AKAP6: variants seen among roughly 807,000 people sequenced by gnomAD.
The protein encoded by AKAP6 is A-kinase anchor protein 6.
A neutral mutation model predicts 188.5 loss-of-function variants in AKAP6; 58 were observed. That is an observed-to-expected ratio of 0.31 (90% CI 0.25 to 0.38). The LOEUF (loss-of-function observed/expected upper bound fraction) is 0.38. AKAP6 is among the 10% of genes least tolerant of loss of function. The probability of loss-of-function intolerance (pLI) is 1.00; values close to 1 mark genes in which losing one functional copy is unlikely to be tolerated. For missense variants in AKAP6, 2,710 were observed against 2,740.0 expected, an observed-to-expected ratio of 0.99 and a Z score of 0.24; for synonymous variants, 989 against 998.6, an observed-to-expected ratio of 0.99 and a Z score of 0.18.
intron 12 of AKAP6, among the ~76,000 whole-genome samples, chr14:32,792,085 G>A (rs1349908147): frequency 1.3e-5 from 2 of 152,096 alleles, no homozygotes; most frequent in African/African-American, 2.4e-5. Context: ...TTTTGCTTAG[G>A]ATTGTCTGGA....
At chr14:32,608,803 C>T (rs765622809) in intron 7 of AKAP6, among the ~76,000 whole-genome samples, 20 of 152,052 alleles carry the variant, frequency 1.3e-4, no homozygotes, top group Non-Finnish European at 2.4e-4. Flanking sequence ...CATTTTGTAC[C>T]TCAGTCTGAT....
chr14:32,730,838 A>G (rs1355078979), intron 9 of AKAP6, among the ~76,000 whole-genome samples: 1 of 152,174 alleles, frequency 6.6e-6, no homozygotes, highest in Non-Finnish European at 1.5e-5. Flanking sequence ...CGCTCTGACA[A>G]ATAAAACACT....
chr14:32,749,604 C>G (rs972058228), intron 11 of AKAP6, among the ~76,000 whole-genome samples: 3 of 152,094 alleles, frequency 2.0e-5, no homozygotes, highest in African/African-American at 7.2e-5. Flanking sequence ...ATACTGATAA[C>G]GTGAATATAT....
chr14:32,799,364 T>C (rs1015514499), intron 12 of AKAP6, among the ~76,000 whole-genome samples: 4 of 152,206 alleles, frequency 2.6e-5, no homozygotes, highest in Non-Finnish European at 4.4e-5. Flanking sequence ...TAGGCTTAAA[T>C]TGTTTTTCTT....
intron 2 of AKAP6, among the ~76,000 whole-genome samples, chr14:32,511,396 G>A (rs778582685): frequency 2.0e-5 from 3 of 146,400 alleles, no homozygotes; most frequent in Non-Finnish European, 3.0e-5. Context: ...TTTTTGAGAC[G>A]GAGTCTCACT....
chr14:32,726,823 G>A (rs945658685), intron 9 of AKAP6, among the ~76,000 whole-genome samples: 7 of 152,148 alleles, frequency 4.6e-5, no homozygotes, highest in African/African-American at 1.7e-4. Flanking sequence ...GAAGAGCTGC[G>A]GGGCTGTCAG....
chr14:32,799,875 G>A (rs2033884486), intron 12 of AKAP6, among the ~76,000 whole-genome samples: 1 of 151,658 alleles, frequency 6.6e-6, no homozygotes, highest in African/African-American at 2.4e-5. Context: ...TTGATTTTCT[G>A]CCTGCTGGAT....
Position 32,824,085 on chromosome 14 carries a change from A to G in AKAP6, c.6272A>G (p.Lys2091Arg), listed in dbSNP as rs1418554190. 6.2e-7 allele frequency: 1 copy of G among 1,613,794 alleles called. No individual in the cohort carries two copies. Among genetic ancestry groups the G allele is most frequent in the East Asian group, 2.2e-5 (1 of 44,886 alleles). ...GCTCCTACTTCATTAACTCAAATCA[A>G]GGAGAAAGTGTTGGAGCATTCTCAC... ...VAAPTSLTQIKEKVLEHSHRP... is the reference protein window; with the variant it reads ...VAAPTSLTQIREKVLEHSHRP... Residue 2091 changes from lysine to arginine, a missense_variant, in exon 13 of 14, where the codon AAG becomes AGG. Lys to Arg is a conservative substitution (Grantham distance 26). This residue lies in a region of AKAP6 where 2,473 missense variants were observed against 2,426.1 expected (regional missense o/e 1.02). Coordinates refer to ENST00000280979, the MANE Select transcript of AKAP6 (RefSeq NM_004274.5).
chr14:32,783,711 G>A (rs1028986919), intron 12 of AKAP6, among the ~76,000 whole-genome samples: 11 of 151,894 alleles, frequency 7.2e-5, no homozygotes, highest in African/African-American at 1.9e-4. Flanking sequence ...TATAATTTAC[G>A]TGCCATTATC....
intron 2 of AKAP6, among the ~76,000 whole-genome samples, chr14:32,534,162 T>C (rs1035874095): frequency 3.9e-5 from 6 of 152,206 alleles, no homozygotes; most frequent in Non-Finnish European, 8.8e-5. Flanking sequence ...AAAAAGTAAC[T>C]GAATTACATG....
chr14:32,577,158 A>T lies in AKAP6; in HGVS notation c.2385A>T (p.Leu795Phe). The part of the protein sequence containing the change: ...VNKLDEFIQW[L>F]NEAMETTENW... Reference sequence around the variant, plus strand: ...AACTGGATGAATTCATTCAATGGTTAAATGAAGCCATGGAAACTACAGAAA... The same window carrying T: ...AACTGGATGAATTCATTCAATGGTTTAATGAAGCCATGGAAACTACAGAAA... Residue 795 changes from leucine to phenylalanine, a missense_variant, in exon 5 of 14, where the codon TTA becomes TTT. Coordinates refer to ENST00000280979, the MANE Select transcript of AKAP6 (RefSeq NM_004274.5). The T allele has an allele frequency of 6.2e-7, 1 of 1,612,254 alleles. No homozygotes were observed. The highest frequency in any genetic ancestry group is 8.5e-7 in the Non-Finnish European group (1 of 1,179,042).
At chr14:32,514,771 A>T (rs887361488) in intron 2 of AKAP6, among the ~76,000 whole-genome samples, 4 of 152,184 alleles carry the variant, frequency 2.6e-5, no homozygotes, top group African/African-American at 9.6e-5. Context: ...GACTCAAAGG[A>T]ATCTGTGTAT....
chr14:32,576,138 A>T (rs1013715870), intron 4 of AKAP6, among the ~76,000 whole-genome samples: 1 of 152,196 alleles, frequency 6.6e-6, no homozygotes, highest in Non-Finnish European at 1.5e-5. Flanking sequence ...CAGTGTCAGG[A>T]CATCCTCAGT....
At chr14:32,817,018 C>G (rs940993866) in intron 12 of AKAP6, among the ~76,000 whole-genome samples, 2 of 151,996 alleles carry the variant, frequency 1.3e-5, no homozygotes, top group African/African-American at 2.4e-5. Context: ...AAAAATCTTT[C>G]AAAAGATGCA....
At chr14:32,695,789 C>T (rs192163689) in intron 8 of AKAP6, among the ~76,000 whole-genome samples, 33 of 152,256 alleles carry the variant, frequency 2.2e-4, no homozygotes, top group African/African-American at 7.0e-4. Context: ...TTGCATATTA[C>T]GTTTTCACAA....
chr14:32,564,462 T>C (rs532084467), intron 4 of AKAP6, among the ~76,000 whole-genome samples: 14 of 152,270 alleles, frequency 9.2e-5, no homozygotes, highest in African/African-American at 3.1e-4. Flanking sequence ...TATACGAAGA[T>C]TGAGAAAGTG....
At chr14:32,777,530 T>C (rs2033105210) in intron 12 of AKAP6, among the ~76,000 whole-genome samples, 1 of 152,072 alleles carries the variant, frequency 6.6e-6, no homozygotes, top group South Asian at 2.1e-4. Flanking sequence ...AGGAAAACTA[T>C]CATTACTGAG....
intron 7 of AKAP6, among the ~76,000 whole-genome samples, chr14:32,632,736 C>T (rs1357661168): frequency 6.6e-6 from 1 of 151,976 alleles, no homozygotes; most frequent in African/African-American, 2.4e-5. Context: ...ACAGGAAAAA[C>T]CAATCAGAGA....
At chr14:32,654,978 T>A (rs569434054) in intron 7 of AKAP6, among the ~76,000 whole-genome samples, 1 of 152,188 alleles carries the variant, frequency 6.6e-6, no homozygotes, top group Non-Finnish European at 1.5e-5. Context: ...ACCACAATCT[T>A]GTTTATTACA....
Sources: gnomAD v4.1 joint callset for allele counts (sites outside exome capture counted in the v4.1 genomes callset) on GRCh38, gnomAD v4.1.1 for gene constraint, gnomAD v4.1.1 regional missense constraint, MANE v1.5 for transcripts, NCBI Gene and HGNC (gene_info 2026-07-23, HGNC 2026-07-21) for gene names.